Variants in PTPRQ observed in about 807,000 individuals in gnomAD.
The protein encoded by PTPRQ is protein tyrosine phosphatase receptor type Q.
Under a neutral mutation model 246.0 loss-of-function variants are expected in PTPRQ, and 199 were observed. That is an observed-to-expected ratio of 0.81 (90% confidence interval 0.72 to 0.91). The LOEUF (loss-of-function observed/expected upper bound fraction) is 0.91. Ranked by LOEUF, PTPRQ falls within the 40% of genes least tolerant of loss-of-function variation. PTPRQ has a pLI of 0.00. For missense variants in PTPRQ, 2,624 were observed against 2,528.4 expected (o/e 1.04, Z -0.81); for synonymous variants, 869 against 853.2 (o/e 1.02, Z -0.32).
At chr12:80,584,573 C>A (rs1241792993) in intron 25 of PTPRQ, among the ~76,000 whole-genome samples, 2 of 152,060 alleles carry the variant, frequency 1.3e-5, no homozygotes, top group Non-Finnish European at 2.9e-5. Flanking sequence ...CACAGTAAGT[C>A]CCCAAGCTAT....
At chr12:80,630,153 G>T (rs1480999180) in intron 33 of PTPRQ, among the ~76,000 whole-genome samples, 1 of 151,814 alleles carries the variant, frequency 6.6e-6, no homozygotes, top group Non-Finnish European at 1.5e-5. Flanking sequence ...TAATTTATTT[G>T]AATCAGGATC....
chr12:80,628,611 T>C (rs907095202), intron 33 of PTPRQ, among the ~76,000 whole-genome samples: 2 of 152,196 alleles, frequency 1.3e-5, no homozygotes, highest in Non-Finnish European at 2.9e-5. Context: ...TCAATATATT[T>C]GTTCATTAGT....
At chr12:80,674,542 G>T (rs1901073934) in intron 43 of PTPRQ, among the ~76,000 whole-genome samples, 1 of 151,836 alleles carries the variant, frequency 6.6e-6, no homozygotes, top group Non-Finnish European at 1.5e-5. Context: ...CAAACTTTTT[G>T]GACAAATGTC....
intron 4 of PTPRQ, among the ~76,000 whole-genome samples, chr12:80,458,220 A>C (rs1476273693): frequency 1.3e-5 from 2 of 152,136 alleles, no homozygotes; most frequent in South Asian, 2.1e-4. Context: ...CTCACAGTAC[A>C]CATCTAATCT....
intron 3 of PTPRQ, among the ~76,000 whole-genome samples, chr12:80,451,321 A>G (rs1286795501): frequency 1.6e-5 from 2 of 126,262 alleles, no homozygotes; most frequent in African/African-American, 3.1e-5. Flanking sequence ...GATCCTTTCA[A>G]AAAACCAGCT....
At chr12:80,520,284 G>C (rs1249219431) in intron 17 of PTPRQ, among the ~76,000 whole-genome samples, 2 of 152,080 alleles carry the variant, frequency 1.3e-5, no homozygotes, top group Non-Finnish European at 2.9e-5. Context: ...TCTCATAGTA[G>C]TGAATAAGTC....
intron 8 of PTPRQ, among the ~76,000 whole-genome samples, chr12:80,483,432 C>T (rs987586057): frequency 6.1e-4 from 89 of 145,294 alleles, no homozygotes; most frequent in African/African-American, 2.1e-3. Context: ...TGCTAGATGA[C>T]GAGTTAGTGG....
At chr12:80,487,149 G>A (rs556261386) in intron 9 of PTPRQ, among the ~76,000 whole-genome samples, 2 of 151,438 alleles carry the variant, frequency 1.3e-5, no homozygotes, top group East Asian at 1.9e-4. Flanking sequence ...TCTCTCTGAC[G>A]CTCTGGATTC....
chr12:80,486,025 A>T (rs750556715), intron 9 of PTPRQ, among the ~76,000 whole-genome samples: 7 of 152,146 alleles, frequency 4.6e-5, no homozygotes, highest in Non-Finnish European at 1.0e-4. Flanking sequence ...AAGACTGTAA[A>T]CCAGGTTTAA....
chr12:80,530,384 G>T (rs1406899964), intron 17 of PTPRQ, among the ~76,000 whole-genome samples: 1 of 152,048 alleles, frequency 6.6e-6, no homozygotes, highest in Non-Finnish European at 1.5e-5. Flanking sequence ...TCATATTTAT[G>T]CCTAAAGTAG....
intron 25 of PTPRQ, among the ~76,000 whole-genome samples, chr12:80,551,598 GC>G (rs1320786751): frequency 1.3e-5 from 2 of 152,104 alleles, no homozygotes; most frequent in African/African-American, 4.8e-5. Flanking sequence ...GGTACCTGAA[GC>G]ACAGAAGTAA....
intron 9 of PTPRQ, among the ~76,000 whole-genome samples, chr12:80,487,652 A>G (rs1894321735): frequency 6.6e-6 from 1 of 152,112 alleles, no homozygotes; most frequent in Non-Finnish European, 1.5e-5. Flanking sequence ...CCTACTTAGC[A>G]TTCAATAGCC....
At chr12:80,460,181 T>A (rs1312269082) in intron 5 of PTPRQ, among the ~76,000 whole-genome samples, 1 of 152,168 alleles carries the variant, frequency 6.6e-6, no homozygotes, top group Admixed American at 6.5e-5. Context: ...AGTCTAAAAA[T>A]CTTCTTTTTC....
At chr12:80,479,533 C>T (rs1234529404) in intron 8 of PTPRQ, among the ~76,000 whole-genome samples, 42 of 146,666 alleles carry the variant, frequency 2.9e-4, no homozygotes, top group East Asian at 1.8e-3. Flanking sequence ...ACAATATTAA[C>T]TTTAAATGTA....
intron 7 of PTPRQ, among the ~76,000 whole-genome samples, chr12:80,469,540 T>C (rs546727902): frequency 6.6e-6 from 1 of 152,268 alleles, no homozygotes; most frequent in Admixed American, 6.5e-5. Context: ...CTAACAATGA[T>C]GAGATAAATA....
At chr12:80,454,510 T>C (rs1565714656) in intron 3 of PTPRQ, 1 of 702,600 alleles carries the variant, frequency 1.4e-6, no homozygotes. Flanking sequence ...CTGTGTTCAA[T>C]AGGATTGGTG....
Position 80,619,449 on chromosome 12 carries a change from T to C in PTPRQ, c.5296T>C (p.Ser1766Pro). Residue 1766 changes from serine to proline, a missense_variant, in exon 31 of 45, where the codon TCA becomes CCA. Ser to Pro is a moderately conservative substitution (Grantham distance 74). Coordinates refer to ENST00000644991, the MANE Select transcript of PTPRQ (RefSeq NM_001145026.2). Reference sequence around the variant, plus strand: ...TGCCACAGGAAAACTGCTTGTGACTTCAACAACAATTACAATCAGAATGCC... The same window carrying C: ...TGCCACAGGAAAACTGCTTGTGACTCCAACAACAATTACAATCAGAATGCC... ...YDATGKLLVTSTTITIRMPIC... is the reference protein window; with the variant it reads ...YDATGKLLVTPTTITIRMPIC... 1 of 1,548,386 alleles carries C rather than the reference T, an allele frequency of 6.5e-7. No individual in the cohort carries two copies.
In PTPRQ at chr12:80,506,607, G is replaced by A; in HGVS notation, c.2494G>A (p.Ala832Thr). ...TACCCAATATATCATTGAGGTGTCT[G>A]CTAGTACACTCAAAGGTGAAGGAGT... is the stretch of plus-strand genomic sequence containing the variant. ...KYTQYIIEVS[A>T]STLKGEGVRS... The change falls in exon 16 of 45, where the codon GCT (alanine) becomes ACT (threonine). Residue 832 changes from alanine (A) to threonine (T), a missense_variant. Ala to Thr is a moderately conservative substitution (Grantham distance 58, BLOSUM62 0). Transcript: ENST00000644991. The A allele has an allele frequency of 6.5e-7, 1 of 1,542,284 alleles. No homozygotes were observed. The highest frequency in any genetic ancestry group is 8.8e-7 in the Non-Finnish European group (1 of 1,140,254).
At chr12:80,558,125 TTTC>T (rs1336853184) in intron 25 of PTPRQ, among the ~76,000 whole-genome samples, 1 of 82,998 alleles carries the variant, frequency 1.2e-5, no homozygotes, top group Non-Finnish European at 2.4e-5. Context: ...CTTTCTTTCT[TTTC>T]TTTTCTTTTC....
Sources: gnomAD v4.1 joint callset for allele counts (sites outside exome capture counted in the v4.1 genomes callset) on GRCh38, gnomAD v4.1.1 for gene constraint, MANE v1.5 for transcripts, NCBI Gene and HGNC (gene_info 2026-07-23, HGNC 2026-07-21) for gene names.